GADL1: variants seen among roughly 807,000 people sequenced by gnomAD.
GADL1 encodes GAD like acidic amino acid decarboxylase 1.
A neutral mutation model predicts 69.5 loss-of-function variants in GADL1; 71 were observed. The ratio of observed to expected loss-of-function variants is 1.02; its 90% CI spans 0.84 to 1.25. The LOEUF (loss-of-function observed/expected upper bound fraction) is 1.25, where lower values mean the gene tolerates loss of function less well. Among genes scored for constraint, GADL1 ranks in the 50% most tolerant of loss-of-function variants. The probability of loss-of-function intolerance (pLI) is 0.00; values close to 1 mark genes in which losing one functional copy is unlikely to be tolerated. For synonymous variants in GADL1, 254 were observed against 214.4 expected (o/e 1.18, Z -1.62); for missense variants, 737 against 631.8 (o/e 1.17, Z -1.79).
chr3:30,741,646 T>TA (rs1337199043), intron 14 of GADL1, among the ~76,000 whole-genome samples: 1 of 152,162 alleles, frequency 6.6e-6, no homozygotes, highest in Middle Eastern at 3.2e-3. Context: ...TTGATGAGTT[T>TA]AAAAAATCAT....
At chr3:30,753,267 A>G (rs1366719925) in intron 14 of GADL1, among the ~76,000 whole-genome samples, 3 of 152,168 alleles carry the variant, frequency 2.0e-5, no homozygotes, top group Non-Finnish European at 4.4e-5. Context: ...TACATGATCT[A>G]TACACAATAG....
intron 14 of GADL1, among the ~76,000 whole-genome samples, chr3:30,767,917 G>GA (rs1163028392): frequency 2.0e-5 from 3 of 151,558 alleles, no homozygotes; most frequent in Admixed American, 6.6e-5. Flanking sequence ...CTTAAAATAT[G>GA]AAAAAAATGA....
chr3:30,802,996 G>C (rs1697191965), intron 11 of GADL1, among the ~76,000 whole-genome samples: 1 of 152,308 alleles, frequency 6.6e-6, no homozygotes, highest in East Asian at 1.9e-4. Context: ...TATGCCTGAA[G>C]TGGGAAGATC....
intron 5 of GADL1, among the ~76,000 whole-genome samples, chr3:30,850,473 C>A (rs1019730384): frequency 6.6e-6 from 1 of 151,954 alleles, no homozygotes; most frequent in African/African-American, 2.4e-5. Flanking sequence ...TTGTTGGTCT[C>A]TGGCTACAAA....
At chr3:30,885,521 A>T (rs947141217) in intron 1 of GADL1, among the ~76,000 whole-genome samples, 5 of 152,108 alleles carry the variant, frequency 3.3e-5, no homozygotes, top group African/African-American at 4.8e-5. Context: ...GAAACAATAC[A>T]AACTCATTAC....
chr3:30,848,697 G>A (rs931652829), intron 6 of GADL1, among the ~76,000 whole-genome samples: 4 of 152,166 alleles, frequency 2.6e-5, no homozygotes, highest in Admixed American at 1.3e-4. Context: ...CACTTAAGCC[G>A]TGCCATCTAC....
chr3:30,727,274 A>G lies in GADL1; in HGVS notation c.*968T>C, dbSNP rs1449690009. On this transcript the variant is annotated 3_prime_UTR_variant, in exon 15 of 15. Coordinates refer to ENST00000282538, the MANE Select transcript of GADL1 (RefSeq NM_207359.3). ...AAGAAAACCTTCCAGTTGTCTACCA[A>G]GAAAAAACTAATATGGATATTACAT... is the stretch of plus-strand genomic sequence containing the variant. 1 of 151,012 alleles carries G rather than the reference A, an allele frequency of 6.6e-6. No homozygotes were observed. Among genetic ancestry groups the G allele is most frequent in the African/African-American group, 2.4e-5 (1 of 41,246 alleles). The allele number at this position is 151,012 out of a possible 1,614,324, so 9.4% of individuals were successfully genotyped here.
chr3:30,781,167 T>A (rs1224079712), intron 13 of GADL1, among the ~76,000 whole-genome samples: 2 of 151,234 alleles, frequency 1.3e-5, no homozygotes, highest in Non-Finnish European at 2.9e-5. Flanking sequence ...AGCAAGTGCA[T>A]TGTCATAATC....
intron 1 of GADL1, among the ~76,000 whole-genome samples, chr3:30,872,326 CCTT>C (rs887560099): frequency 2.0e-5 from 3 of 151,898 alleles, no homozygotes; most frequent in Non-Finnish European, 4.4e-5. Context: ...GCTGTATCTT[CCTT>C]CTTCTCTCCA....
At chr3:30,782,948 T>TAA (rs1559498371) in intron 13 of GADL1, among the ~76,000 whole-genome samples, 2 of 152,192 alleles carry the variant, frequency 1.3e-5, no homozygotes, top group East Asian at 1.9e-4. Context: ...GATTACAAGA[T>TAA]AACAATGTAA....
chr3:30,798,416 G>A (rs1217600200), intron 12 of GADL1: 1 of 152,598 alleles, frequency 6.6e-6, no homozygotes, highest in East Asian at 1.9e-4. Flanking sequence ...CGCAAAAGCA[G>A]AAACCCCTGA....
rs1285323364 is a variant in GADL1, at chr3:30,767,807, C to T, written c.1392+10372G>A. On this transcript the variant is annotated intron_variant, in intron 14 of 14. Coordinates refer to ENST00000282538, the MANE Select transcript of GADL1 (RefSeq NM_207359.3). Reference sequence around the variant, plus strand: ...TACAAAGGATATTATTACTGAAGGCCATATTTGCATTCCATGCTACAAAGA... The same window carrying T: ...TACAAAGGATATTATTACTGAAGGCTATATTTGCATTCCATGCTACAAAGA... 2.6e-5 allele frequency among the ~76,000 whole-genome samples: 4 copies of T among 152,018 alleles called. No individual in the cohort carries two copies. The South Asian group carries it at 6.2e-4, about 24-fold the overall frequency.
At chr3:30,800,562 G>A (rs531837664) in intron 12 of GADL1, 7 of 287,392 alleles carry the variant, frequency 2.4e-5, no homozygotes, top group Admixed American at 4.8e-5. Flanking sequence ...GAACACACTA[G>A]AGAAGCCCTC....
chr3:30,854,217 A>C (rs1412351588), intron 4 of GADL1, among the ~76,000 whole-genome samples: 4 of 152,134 alleles, frequency 2.6e-5, no homozygotes, highest in Non-Finnish European at 5.9e-5. Context: ...CACTCTCCTG[A>C]GCTTCCAACT....
At chr3:30,851,398 C>A (rs1038937031) in intron 4 of GADL1, among the ~76,000 whole-genome samples, 4 of 152,154 alleles carry the variant, frequency 2.6e-5, no homozygotes, top group Non-Finnish European at 5.9e-5. Flanking sequence ...GGAGACTACT[C>A]CACCTGAACC....
chr3:30,774,146 G>GT (rs373283792), intron 14 of GADL1, among the ~76,000 whole-genome samples: 45 of 152,232 alleles, frequency 3.0e-4, no homozygotes, highest in African/African-American at 1.1e-3. Flanking sequence ...GGAAATTTGG[G>GT]TAAATGTTTC....
At chr3:30,852,620 A>G (rs1283209229) in intron 4 of GADL1, among the ~76,000 whole-genome samples, 1 of 151,460 alleles carries the variant, frequency 6.6e-6, no homozygotes, top group Non-Finnish European at 1.5e-5. Flanking sequence ...CTACAAATAT[A>G]TATAAAATAG....
At chr3:30,732,360 C>A (rs1349738608) in intron 14 of GADL1, among the ~76,000 whole-genome samples, 1 of 152,150 alleles carries the variant, frequency 6.6e-6, no homozygotes. Context: ...AAATCAAATT[C>A]TTTTCTTGTG....
chr3:30,792,477 G>T (rs960662108), intron 12 of GADL1, among the ~76,000 whole-genome samples: 4 of 152,128 alleles, frequency 2.6e-5, no homozygotes, highest in African/African-American at 9.7e-5. Flanking sequence ...GGAGGCTGAG[G>T]TAGGAAGGAG....
Sources: gnomAD v4.1 joint callset for allele counts (sites outside exome capture counted in the v4.1 genomes callset) on GRCh38, gnomAD v4.1.1 for gene constraint, MANE v1.5 for transcripts, NCBI Gene and HGNC (gene_info 2026-07-23, HGNC 2026-07-21) for gene names.